PTPN9: variants seen among roughly 807,000 people sequenced by gnomAD.
PTPN9 encodes the protein tyrosine-protein phosphatase non-receptor type 9.
PTPN9 carries 26 observed loss-of-function variants against 69.8 expected under a neutral mutation model. The ratio of observed to expected loss-of-function variants is 0.37; its 90% CI spans 0.27 to 0.52. The LOEUF (loss-of-function observed/expected upper bound fraction) is 0.52. Ranked by LOEUF, PTPN9 falls within the 20% of genes least tolerant of loss-of-function variation. The pLI is 0.91. For missense variants in PTPN9, 549 were observed against 740.3 expected (o/e 0.74, Z 3.00); for synonymous variants, 274 against 272.5 (o/e 1.01, Z -0.05).
chr15:75,527,368 CCA>C (rs2074933958), intron 1 of PTPN9, 107 bp from the exon 2 acceptor site: 5 of 1,288,500 alleles, frequency 3.9e-6, no homozygotes, highest in African/African-American at 1.5e-5. Context: ...AAGTCTGAAC[CCA>C]GTTTGCTACA....
At chr15:75,557,687 G>T (rs1289379252) in intron 1 of PTPN9, among the ~76,000 whole-genome samples, 1 of 152,054 alleles carries the variant, frequency 6.6e-6, no homozygotes. Flanking sequence ...TGGTAGGTAG[G>T]GCTTAGCTAT....
intron 1 of PTPN9, among the ~76,000 whole-genome samples, chr15:75,559,915 A>G (rs1048557896): frequency 6.6e-6 from 1 of 152,052 alleles, no homozygotes; most frequent in Non-Finnish European, 1.5e-5. Context: ...CAAGGTGGGC[A>G]GATCATTTGA....
At chr15:75,527,737 T>C (rs1398246733) in intron 1 of PTPN9, among the ~76,000 whole-genome samples, 3 of 151,984 alleles carry the variant, frequency 2.0e-5, no homozygotes, top group East Asian at 3.9e-4. Context: ...ACGCCTGTAA[T>C]GTCAGCTACT....
chr15:75,570,185 T>G (rs1304730737), intron 1 of PTPN9: 1 of 152,182 alleles, frequency 6.6e-6, no homozygotes, highest in East Asian at 1.9e-4. Context: ...TTACTTACAG[T>G]ATCATAAACT....
intron 1 of PTPN9, among the ~76,000 whole-genome samples, chr15:75,539,375 A>G (rs2074998685): frequency 6.8e-6 from 1 of 148,016 alleles, no homozygotes; most frequent in Admixed American, 6.8e-5. Flanking sequence ...GTGCAATCGC[A>G]CAATCTTGGC....
intron 3 of PTPN9, 92 bp downstream of exon 3, chr15:75,524,117 T>TAA (rs34132149): frequency 0.014 from 4,766 of 329,484 alleles, 9 homozygotes; most frequent in Non-Finnish European, 0.019. Flanking sequence ...ATAATAAAAT[T>TAA]AAAAAAAAAA....
At chr15:75,542,452 A>G (rs1349948527) in intron 1 of PTPN9, among the ~76,000 whole-genome samples, 1 of 152,180 alleles carries the variant, frequency 6.6e-6, no homozygotes, top group Non-Finnish European at 1.5e-5. Context: ...ACCCAAGAAG[A>G]AAAAAAGCTA....
intron 1 of PTPN9, among the ~76,000 whole-genome samples, chr15:75,557,888 T>C (rs1310194839): frequency 6.6e-6 from 1 of 152,182 alleles, no homozygotes; most frequent in Non-Finnish European, 1.5e-5. Flanking sequence ...TTTACCTAGC[T>C]TCAGGTTGAC....
chr15:75,560,611 C>T (rs1487598435), intron 1 of PTPN9, among the ~76,000 whole-genome samples: 1 of 152,248 alleles, frequency 6.6e-6, no homozygotes, highest in East Asian at 1.9e-4. Flanking sequence ...GAGGCTCACA[C>T]CTGTAATCCT....
At chr15:75,527,047 C>T (rs2074931315) in intron 2 of PTPN9, 71 bp downstream of exon 2, 21 of 1,563,300 alleles carry the variant, frequency 1.3e-5, no homozygotes, top group Admixed American at 1.7e-5. Context: ...ATGTGTGTGT[C>T]GAGCATGACA....
At chr15:75,532,787 G>C (rs1172893154) in intron 1 of PTPN9, among the ~76,000 whole-genome samples, 1 of 152,224 alleles carries the variant, frequency 6.6e-6, no homozygotes, top group Non-Finnish European at 1.5e-5. Flanking sequence ...TGGTGGAAGA[G>C]ATGAACCTCT....
Position 75,468,799 on chromosome 15 carries a change from G to A in PTPN9, c.1752C>T (p.Gly584=). The change falls in exon 13 of 13, where the codon GGC becomes GGT. Residue 584 remains glycine (G), a synonymous_variant. Transcript: ENST00000618819. ...GACTCTCCACGGCCAGCAGGTTTTG[G>A]CCAGAGGATACCATGCCCTCCTTCT... ...FAEKEGMVSS[G]QNLLAVESQ The A allele has an allele frequency of 6.2e-7, 1 of 1,614,098 alleles. No homozygotes were observed.
chr15:75,554,728 A>C lies in PTPN9; in HGVS notation c.63+23986T>G, dbSNP rs141185207. Among the ~76,000 whole-genome samples the C allele has an allele frequency of 6.3e-3, 966 of 152,334 alleles. 11 individuals carry two copies. The highest frequency in any genetic ancestry group is 0.022 in the African/African-American group (924 of 41,588). On this transcript the variant is annotated intron_variant, in intron 1 of 12. Coordinates refer to ENST00000618819, the MANE Select transcript of PTPN9 (RefSeq NM_002833.4). ...CAAGTTGATCAGCTTATTGTACCTA[A>C]GAGACTATTTGCAAACCTACAAAGA... is the stretch of plus-strand genomic sequence containing the variant.
In PTPN9 at chr15:75,530,885, TTATTATA is replaced by T. The variant is rs954973300; in HGVS notation, c.64-3631_64-3625del. Reference sequence around the variant, plus strand: ...ATTATATATTACGATATATTATATATTATTATATATTATATTATATATTATAATATAT... The same window carrying T: ...ATTATATATTACGATATATTATATATTATTATATTATATATTATAATATAT... On this transcript the variant is annotated intron_variant, in intron 1 of 12. Coordinates refer to ENST00000618819, the MANE Select transcript of PTPN9 (RefSeq NM_002833.4). 1.5e-3 allele frequency among the ~76,000 whole-genome samples: 176 copies of T among 114,964 alleles called. 1 individual carries two copies. Among genetic ancestry groups the T allele is most frequent in the African/African-American group, 5.7e-3 (173 of 30,104 alleles). The allele number at this position is 114,964 out of a possible 152,430, so 75.4% of individuals were successfully genotyped here. A position where few individuals can be genotyped will look rare whatever the true frequency, so the allele number is the denominator to read the frequency against.
intron 1 of PTPN9, among the ~76,000 whole-genome samples, chr15:75,558,582 G>A (rs944480964): frequency 3.3e-5 from 5 of 152,200 alleles, no homozygotes; most frequent in Admixed American, 2.0e-4. Flanking sequence ...ACGCCGAGCC[G>A]AAGCTGGACT....
chr15:75,481,989 G>T (rs2074638970), intron 8 of PTPN9, among the ~76,000 whole-genome samples: 1 of 146,144 alleles, frequency 6.8e-6, no homozygotes, highest in Non-Finnish European at 1.5e-5. Flanking sequence ...GGGCCAGGAT[G>T]ACAATGGCGG....
Position 75,480,680 on chromosome 15 carries a change from G to T in PTPN9, c.1063-766C>A, listed in dbSNP as rs556818595. 2.1e-5 allele frequency: 26 copies of T among 1,267,684 alleles called. No homozygotes were observed. The South Asian group carries it at 4.2e-4, about 21-fold the overall frequency. The allele number at this position is 1,267,684 out of a possible 1,614,324, so 78.5% of individuals were successfully genotyped here. On this transcript the variant is annotated intron_variant, in intron 8 of 12. Transcript: ENST00000618819. ...GCAGATATGAAGCGGAGCCGCTGCC[G>T]CGACCGACCGCAGCCACCGCCGCCC...
chr15:75,510,861 A>G (rs1281110864), intron 5 of PTPN9, among the ~76,000 whole-genome samples: 1 of 152,152 alleles, frequency 6.6e-6, no homozygotes, highest in Non-Finnish European at 1.5e-5. Flanking sequence ...CCATTAAATA[A>G]CATCTCCCTA....
At chr15:75,558,835 A>G (rs1055943680) in intron 1 of PTPN9, among the ~76,000 whole-genome samples, 5 of 152,020 alleles carry the variant, frequency 3.3e-5, no homozygotes, top group African/African-American at 9.7e-5. Flanking sequence ...TCAGTGCTCA[A>G]TGTTGCCCAG....
Sources: allele counts gnomAD v4.1 joint callset (sites outside exome capture counted in the v4.1 genomes callset), GRCh38; gene constraint gnomAD v4.1.1; transcripts MANE v1.5; gene names NCBI Gene and HGNC (gene_info 2026-07-23, HGNC 2026-07-21).